GCKR: variants seen among roughly 807,000 people sequenced by gnomAD.
GCKR encodes the protein glucokinase regulator.
GCKR carries 73 observed loss-of-function variants against 82.9 expected under a neutral mutation model. The ratio of observed to expected loss-of-function variants is 0.88; its 90% CI spans 0.73 to 1.07. The LOEUF (loss-of-function observed/expected upper bound fraction) is 1.07. Ranked by LOEUF, GCKR falls within the 50% of genes least tolerant of loss-of-function variation. GCKR has a pLI of 0.00. For synonymous variants in GCKR, 294 were observed against 291.8 expected, an observed-to-expected ratio of 1.01 and a Z score of -0.08; for missense variants, 784 against 782.1, an observed-to-expected ratio of 1.00 and a Z score of -0.03.
intron 9 of GCKR, 103 bp from the exon 10 acceptor site, chr2:27,505,615 G>C: frequency 1.4e-6 from 1 of 737,712 alleles, no homozygotes; most frequent in Non-Finnish European, 2.5e-6. Context: ...AAGCACACTG[G>C]GGGCCACTGG....
At position 27,507,978 on chromosome 2, in the gene GCKR, C is replaced by A. The variant is rs768601653; in HGVS notation, c.1242C>A (p.Asp414Glu). The A allele has an allele frequency of 1.2e-5, 19 of 1,607,568 alleles. No individual in the cohort carries two copies. Among genetic ancestry groups the A allele is most frequent in the Non-Finnish European group, 1.6e-5 (19 of 1,174,066 alleles). The change falls in exon 15 of 19, where the codon GAC becomes GAA. Residue 414 changes from aspartate to glutamate, a missense_variant and splice_region_variant. Coordinates refer to ENST00000264717, the MANE Select transcript of GCKR (RefSeq NM_001486.4). Reference sequence around the variant, plus strand: ...TCTGATGCCCTCCCCTTCTCCTAGACAACCTCACGGAGGTGCAGACTATAG... The same window carrying A: ...TCTGATGCCCTCCCCTTCTCCTAGAAAACCTCACGGAGGTGCAGACTATAG... ...DTVVFIFTLD[D>E]NLTEVQTIVE...
At position 27,506,809 on chromosome 2, in the gene GCKR, G is replaced by A. The variant is rs2148584960; in HGVS notation, c.990G>A (p.Val330=). The part of the protein sequence containing the change: ...VSTSLEKKGH[V]YLVGWQTLGI... Reference sequence around the variant, plus strand: ...TCAGTCTGGAGAAGAAAGGCCACGTGTACCTGGTTGGCTGGCAGACCCTGG... The same window carrying A: ...TCAGTCTGGAGAAGAAAGGCCACGTATACCTGGTTGGCTGGCAGACCCTGG... Residue 330 remains valine (V), a synonymous_variant, in exon 12 of 19, where the codon GTG becomes GTA. Transcript: ENST00000264717. 2 of 1,612,742 alleles carry A rather than the reference G, an allele frequency of 1.2e-6. No individual in the cohort carries two copies. Among genetic ancestry groups the A allele is most frequent in the Non-Finnish European group, 1.7e-6 (2 of 1,178,686 alleles).
chr2:27,500,140 G>A (rs1309385215), intron 7 of GCKR, among the ~76,000 whole-genome samples: 3 of 151,684 alleles, frequency 2.0e-5, no homozygotes, highest in Non-Finnish European at 2.9e-5. Context: ...TCCCAGGCTG[G>A]AGTGCAGTGG....
intron 9 of GCKR, among the ~76,000 whole-genome samples, chr2:27,504,164 C>T (rs753168499): frequency 2.0e-5 from 3 of 152,180 alleles, no homozygotes; most frequent in South Asian, 4.1e-4. Flanking sequence ...AATTCCAGCC[C>T]GTGCCTCCCT....
rs7589217 is a variant in GCKR, at chr2:27,523,079, A to G, written c.1708-190A>G. Among the ~76,000 whole-genome samples, 55,463 of 151,854 alleles carry G rather than the reference A, an allele frequency of 0.37. 10,524 individuals carry two copies. The highest frequency in any genetic ancestry group is 0.46 in the South Asian group (2,203 of 4,808). ...ATGCCTGGCTAATTTTTGTATTTTT[A>G]GTAGAGATGGGGTTTCGCCATATTG... On this transcript the variant is annotated intron_variant, in intron 18 of 18. Transcript: ENST00000264717.
intron 16 of GCKR, among the ~76,000 whole-genome samples, chr2:27,511,425 C>T (rs1046563215): frequency 3.3e-5 from 5 of 151,636 alleles, no homozygotes; most frequent in Admixed American, 6.6e-5. Context: ...TGACAGACGC[C>T]GTGGCTCACG....
At chr2:27,498,701 T>C in intron 4 of GCKR, 23 bp from the exon 5 acceptor site, 1 of 1,473,700 alleles carries the variant, frequency 6.8e-7, no homozygotes, top group Non-Finnish European at 9.5e-7. Flanking sequence ...ATTACCTCTT[T>C]ACATCCTCTC....
intron 8 of GCKR, chr2:27,501,592 A>G: frequency 2.5e-6 from 1 of 399,524 alleles, no homozygotes; most frequent in Non-Finnish European, 5.1e-6. Context: ...GTGAGCCCCA[A>G]GCACCTTTTC....
intron 16 of GCKR, among the ~76,000 whole-genome samples, chr2:27,512,276 G>A (rs983692367): frequency 7.2e-5 from 10 of 138,038 alleles, no homozygotes; most frequent in African/African-American, 1.3e-4. Flanking sequence ...GGTGGCTCAC[G>A]CCTACAATCC....
At chr2:27,510,305 G>A (rs1015737476) in intron 16 of GCKR, among the ~76,000 whole-genome samples, 4 of 152,070 alleles carry the variant, frequency 2.6e-5, no homozygotes, top group Admixed American at 6.6e-5. Context: ...CACCACGCCC[G>A]GCCACTACTA....
chr2:27,521,049 ATAAAAT>A (rs750878454), intron 17 of GCKR, among the ~76,000 whole-genome samples: 1 of 152,054 alleles, frequency 6.6e-6, no homozygotes, highest in Non-Finnish European at 1.5e-5. Context: ...CTCTCAAAAA[ATAAAAT>A]TAAAATTAAA....
rs186512671 is a variant in GCKR at position 27,507,138 on chromosome 2, A to G, written c.1067-97A>G. 3.6e-4 allele frequency: 327 copies of G among 906,262 alleles called. No individual in the cohort carries two copies. The African/African-American group carries it at 5.0e-3, about 14-fold the overall frequency. The allele number at this position is 906,262 out of a possible 1,614,324, so 56.1% of individuals were successfully genotyped here. On this transcript the variant is annotated intron_variant, in intron 12 of 18. Coordinates refer to ENST00000264717, the MANE Select transcript of GCKR (RefSeq NM_001486.4). ...CTCCTCACTCTACGCCCCACTTGCC[A>G]CTTTTCCTCCCAGTCCCATTTTCTC...
At chr2:27,513,252 C>T (rs1669931464) in intron 16 of GCKR, among the ~76,000 whole-genome samples, 1 of 152,034 alleles carries the variant, frequency 6.6e-6, no homozygotes, top group Non-Finnish European at 1.5e-5. Context: ...CTCTCTCATC[C>T]AGGTGCGGTG....
At chr2:27,519,306 CT>C (rs915176817) in intron 17 of GCKR, among the ~76,000 whole-genome samples, 284 of 144,508 alleles carry the variant, frequency 2.0e-3, no homozygotes, top group Middle Eastern at 3.6e-3. Context: ...TGCTCTCATT[CT>C]TTTTTTTTTT....
Position 27,522,457 on chromosome 2 carries a change from T to C in GCKR, c.1573-3T>C. On this transcript the variant is annotated splice_polypyrimidine_tract_variant and splice_region_variant and intron_variant, in intron 17 of 18. Coordinates refer to ENST00000264717, the MANE Select transcript of GCKR (RefSeq NM_001486.4). Reference sequence around the variant, plus strand: ...GACACTGATCTTACCACTTCTTCCTTAGCGGTTCTCTGGACAGTCCAAGGC... The same window carrying C: ...GACACTGATCTTACCACTTCTTCCTCAGCGGTTCTCTGGACAGTCCAAGGC... 6.2e-7 allele frequency: 1 copy of C among 1,613,864 alleles called. No individual in the cohort carries two copies. Among genetic ancestry groups the C allele is most frequent in the Non-Finnish European group, 8.5e-7 (1 of 1,179,812 alleles).
At chr2:27,512,420 A>C (rs776477106) in intron 16 of GCKR, among the ~76,000 whole-genome samples, 1 of 151,426 alleles carries the variant, frequency 6.6e-6, no homozygotes, top group Non-Finnish European at 1.5e-5. Context: ...TCATAGTCCC[A>C]GCTACTCGGG....
intron 11 of GCKR, 83 bp downstream of exon 11, chr2:27,506,662 C>T (rs1669754177): frequency 2.6e-6 from 3 of 1,140,998 alleles, no homozygotes. Context: ...GACATGTTAA[C>T]ACGGTATGGG....
At position 27,508,190 on chromosome 2, in the gene GCKR, C is replaced by G; in HGVS notation, c.1361C>G (p.Pro454Arg). The G allele has an allele frequency of 1.2e-6, 2 of 1,612,042 alleles. No homozygotes were observed. The highest frequency in any genetic ancestry group is 1.7e-6 in the Non-Finnish European group (2 of 1,178,102). ...CAGATCCCTCTGAAGAAGCTCTTTCCCTCCATCATCAGCATCACATGGCCA... is the reference window on the plus strand; with the variant it reads ...CAGATCCCTCTGAAGAAGCTCTTTCGCTCCATCATCAGCATCACATGGCCA... Reference protein sequence around the residue: ...TLLIPLKKLFPSIISITWPLL... With the variant: ...TLLIPLKKLFRSIISITWPLL... Residue 454 changes from proline (P) to arginine (R), a missense_variant, in exon 16 of 19, where the codon CCC (proline) becomes CGC (arginine). Transcript: ENST00000264717.
intron 7 of GCKR, among the ~76,000 whole-genome samples, chr2:27,500,881 T>C (rs952984773): frequency 6.6e-6 from 1 of 152,250 alleles, no homozygotes; most frequent in Non-Finnish European, 1.5e-5. Context: ...TCAAAGAGTT[T>C]ACGATTTTAG....
Sources: allele counts gnomAD v4.1 joint callset (sites outside exome capture counted in the v4.1 genomes callset), GRCh38; gene constraint gnomAD v4.1.1; transcripts MANE v1.5; gene names NCBI Gene and HGNC (gene_info 2026-07-23, HGNC 2026-07-21).